The following ENOX1 variants were observed in gnomAD, a reference collection of about 807,000 sequenced individuals.
The protein encoded by ENOX1 is candidate growth-related and time keeping constitutive hydroquinone (NADH) oxidase.
A neutral mutation model predicts 82.5 loss-of-function variants in ENOX1; 42 were observed. The observed-to-expected ratio is 0.51, with a 90% CI of 0.40 to 0.66. The LOEUF is 0.66. Among genes scored for constraint, ENOX1 ranks in the 30% least tolerant of loss-of-function variants. The probability of loss-of-function intolerance (pLI) is 0.00; values close to 1 mark genes in which losing one functional copy is unlikely to be tolerated. For missense variants in ENOX1, 608 were observed against 811.6 expected (o/e 0.75, Z 3.05); for synonymous variants, 271 against 282.2 (o/e 0.96, Z 0.40).
At chr13:43,631,904 A>G (rs757347916) in intron 2 of ENOX1, among the ~76,000 whole-genome samples, 18 of 152,194 alleles carry the variant, frequency 1.2e-4, no homozygotes, top group African/African-American at 1.9e-4. Context: ...TTATTAAAGA[A>G]CACTTTTCTT....
At chr13:43,527,944 A>T (rs1388620949) in intron 2 of ENOX1, among the ~76,000 whole-genome samples, 1 of 152,134 alleles carries the variant, frequency 6.6e-6, no homozygotes, top group Admixed American at 6.6e-5. Flanking sequence ...CCATAAAATT[A>T]TAGAGTAGAT....
chr13:43,547,580 G>A (rs1279303741), intron 2 of ENOX1: 2 of 152,054 alleles, frequency 1.3e-5, no homozygotes, highest in South Asian at 4.1e-4. Context: ...ACATATAAAG[G>A]GGCAATTTTG....
chr13:43,489,114 C>T (rs118173042), intron 2 of ENOX1, among the ~76,000 whole-genome samples: 4,027 of 152,224 alleles, frequency 0.026, 83 homozygotes, highest in Admixed American at 0.064. Flanking sequence ...AGAAGAAAGC[C>T]AGGAGCCATT....
At chr13:43,519,854 T>G (rs540464073) in intron 2 of ENOX1, among the ~76,000 whole-genome samples, 51 of 152,300 alleles carry the variant, frequency 3.3e-4, no homozygotes, top group Admixed American at 5.9e-4. Flanking sequence ...CCTCGTCAAG[T>G]TTCCTCTGCT....
At chr13:43,714,625 C>T (rs372893827) in intron 1 of ENOX1, among the ~76,000 whole-genome samples, 2 of 152,220 alleles carry the variant, frequency 1.3e-5, no homozygotes, top group East Asian at 1.9e-4. Flanking sequence ...ATATTTAGGA[C>T]AGTTAGCTCT....
chr13:43,702,097 G>T (rs2086939316), intron 1 of ENOX1, among the ~76,000 whole-genome samples: 1 of 152,286 alleles, frequency 6.6e-6, no homozygotes, highest in South Asian at 2.1e-4. Context: ...TATACACTAT[G>T]AAATTTTTTG....
intron 1 of ENOX1, among the ~76,000 whole-genome samples, chr13:43,710,919 A>AATT (rs1010925261): frequency 2.0e-5 from 3 of 151,876 alleles, no homozygotes; most frequent in African/African-American, 4.8e-5. Context: ...TGGTTTTTTA[A>AATT]ATTATTATTA....
At chr13:43,431,970 G>A (rs2055698410) in intron 3 of ENOX1, among the ~76,000 whole-genome samples, 1 of 152,114 alleles carries the variant, frequency 6.6e-6, no homozygotes, top group South Asian at 2.1e-4. Flanking sequence ...GCCAAGTATA[G>A]GCCTTATACC....
At chr13:43,272,402 G>A (rs879061047) in intron 12 of ENOX1, among the ~76,000 whole-genome samples, 1 of 152,204 alleles carries the variant, frequency 6.6e-6, no homozygotes, top group Admixed American at 6.5e-5. Context: ...TGGCAAAGCT[G>A]CTCTCTGGGA....
intron 1 of ENOX1, among the ~76,000 whole-genome samples, chr13:43,739,750 C>T (rs1023370206): frequency 6.6e-6 from 1 of 151,720 alleles, no homozygotes; most frequent in African/African-American, 2.4e-5. Context: ...AGGGAGGAAG[C>T]TGTGTGATAT....
intron 15 of ENOX1, among the ~76,000 whole-genome samples, chr13:43,227,242 C>T (rs1474028875): frequency 6.6e-6 from 1 of 152,014 alleles, no homozygotes; most frequent in Non-Finnish European, 1.5e-5. Context: ...AAGTTGGCAC[C>T]CTCTGTGAAC....
intron 2 of ENOX1, among the ~76,000 whole-genome samples, chr13:43,647,321 AC>A (rs1322071269): frequency 6.6e-6 from 1 of 152,142 alleles, no homozygotes; most frequent in African/African-American, 2.4e-5. Context: ...AAATAAATAA[AC>A]TACTGTATCT....
chr13:43,417,602 TATTATTTCTAAACTATAGAAAAGATTA>T (rs1190858212), intron 3 of ENOX1, among the ~76,000 whole-genome samples: 14 of 152,362 alleles, frequency 9.2e-5, no homozygotes, highest in Non-Finnish European at 1.9e-4. Context: ...GCCTTAGTTT[TATTATTTCTAAACTATAGAAAAGATTA>T]ATCTTCTTAG....
chr13:43,622,312 C>T (rs1042375589), intron 2 of ENOX1, among the ~76,000 whole-genome samples: 3 of 151,998 alleles, frequency 2.0e-5, no homozygotes, highest in African/African-American at 7.3e-5. Context: ...TGGGGGGTGT[C>T]GAAGAGCCTT....
chr13:43,687,815 G>A (rs529200775), intron 1 of ENOX1, among the ~76,000 whole-genome samples: 1 of 152,220 alleles, frequency 6.6e-6, no homozygotes, highest in Admixed American at 6.5e-5. Flanking sequence ...ATGAAGCACA[G>A]GGTGCTATGG....
At chr13:43,374,991 C>A (rs1273743492) in intron 5 of ENOX1, among the ~76,000 whole-genome samples, 1 of 152,168 alleles carries the variant, frequency 6.6e-6, no homozygotes, top group Non-Finnish European at 1.5e-5. Flanking sequence ...GAGGCTGCAA[C>A]CTGCCTATTT....
intron 14 of ENOX1, among the ~76,000 whole-genome samples, chr13:43,248,475 G>A (rs924502293): frequency 1.3e-5 from 2 of 151,648 alleles, no homozygotes; most frequent in East Asian, 1.9e-4. Flanking sequence ...CTTTAATCTC[G>A]TAGGCTGAAG....
At chr13:43,764,096 A>G (rs950924315) in intron 1 of ENOX1, among the ~76,000 whole-genome samples, 5 of 152,194 alleles carry the variant, frequency 3.3e-5, no homozygotes, top group African/African-American at 1.2e-4. Flanking sequence ...CTGCAGCTTA[A>G]TAGGCATCCT....
chr13:43,373,768 T>C (rs1158232833), intron 5 of ENOX1, among the ~76,000 whole-genome samples: 4 of 152,242 alleles, frequency 2.6e-5, no homozygotes, highest in Non-Finnish European at 5.9e-5. Flanking sequence ...CCCCCATAGC[T>C]TGTCATTTCT....
Sources: gnomAD v4.1 joint callset for allele counts (sites outside exome capture counted in the v4.1 genomes callset) on GRCh38, gnomAD v4.1.1 for gene constraint, MANE v1.5 for transcripts, NCBI Gene and HGNC (gene_info 2026-07-23, HGNC 2026-07-21) for gene names.